TMTC1: variants seen among roughly 807,000 people sequenced by gnomAD.
TMTC1 encodes the protein protein O-mannosyl-transferase TMTC1.
A neutral mutation model predicts 104.8 loss-of-function variants in TMTC1; 73 were observed. The observed-to-expected ratio is 0.70, with a 90% CI of 0.58 to 0.85. The LOEUF (loss-of-function observed/expected upper bound fraction) is 0.85. TMTC1 is among the 40% of genes least tolerant of loss of function. The pLI, the probability that TMTC1 is intolerant of heterozygous loss-of-function variation, is 0.00. For missense variants in TMTC1, 1,035 were observed against 1,096.1 expected, an observed-to-expected ratio of 0.94 and a Z score of 0.79; for synonymous variants, 434 against 428.7, an observed-to-expected ratio of 1.01 and a Z score of -0.15.
At chr12:29,758,882 A>T (rs1215831438) in intron 2 of TMTC1, 105 bp from the exon 3 acceptor site, 7 of 963,976 alleles carry the variant, frequency 7.3e-6, no homozygotes, top group African/African-American at 1.7e-5. Context: ...TAAATGGAAG[A>T]TATAATAAAA....
chr12:29,712,069 A>G (rs10771572), intron 5 of TMTC1, among the ~76,000 whole-genome samples: 148,876 of 149,050 alleles, frequency 1, 74,351 homozygotes, highest in Middle Eastern at 1. Context: ...ATCTTTGGGA[A>G]GCTCTTCATC....
intron 17 of TMTC1, among the ~76,000 whole-genome samples, chr12:29,507,505 T>C (rs913904458): frequency 6.6e-6 from 1 of 152,216 alleles, no homozygotes; most frequent in African/African-American, 2.4e-5. Flanking sequence ...CCTAATAAAG[T>C]TTTTTGCAAT....
intron 2 of TMTC1, among the ~76,000 whole-genome samples, chr12:29,759,050 C>T (rs765485537): frequency 5.3e-5 from 8 of 152,132 alleles, no homozygotes; most frequent in Non-Finnish European, 7.3e-5. Flanking sequence ...CAATTCACGG[C>T]ATCAAAATTT....
At position 29,513,733 on chromosome 12, in the gene TMTC1, A is replaced by C. The variant is rs1208771382; in HGVS notation, c.2430+749T>G. Among the ~76,000 whole-genome samples, 113 of 152,340 alleles carry C rather than the reference A, an allele frequency of 7.4e-4. 2 individuals are homozygous for C. The highest frequency in any genetic ancestry group is 8.8e-5 in the Non-Finnish European group (6 of 68,034). On this transcript the variant is annotated intron_variant, in intron 16 of 17. Transcript: ENST00000539277. ...TCTTCTTGAGTTCAACCTGTGAATA[A>C]GTTTTATTCCAAAACCATAGATACT...
intron 6 of TMTC1, among the ~76,000 whole-genome samples, chr12:29,620,787 G>A (rs1937633293): frequency 6.6e-6 from 1 of 152,210 alleles, no homozygotes; most frequent in South Asian, 2.1e-4. Context: ...CCACATAGCA[G>A]AACATTATCA....
At chr12:29,507,645 C>T (rs1943729281) in intron 17 of TMTC1, among the ~76,000 whole-genome samples, 2 of 152,184 alleles carry the variant, frequency 1.3e-5, no homozygotes, top group Non-Finnish European at 2.9e-5. Flanking sequence ...CTGTCCCCAC[C>T]CTCTGTTGGC....
intron 6 of TMTC1, among the ~76,000 whole-genome samples, chr12:29,611,725 G>T (rs1385145499): frequency 6.6e-6 from 1 of 152,142 alleles, no homozygotes; most frequent in Non-Finnish European, 1.5e-5. Flanking sequence ...AAAGAGATGG[G>T]GGAGAGCTGT....
At chr12:29,607,597 GCA>G (rs965554735) in intron 6 of TMTC1, among the ~76,000 whole-genome samples, 1 of 152,176 alleles carries the variant, frequency 6.6e-6, no homozygotes, top group African/African-American at 2.4e-5. Flanking sequence ...TGAGCGTTTT[GCA>G]CACTTTGCTA....
chr12:29,706,773 T>C (rs1356476247), intron 5 of TMTC1, among the ~76,000 whole-genome samples: 1 of 152,192 alleles, frequency 6.6e-6, no homozygotes, highest in Admixed American at 6.5e-5. Context: ...TGGGTATTTT[T>C]TGATATGCTT....
intron 6 of TMTC1, among the ~76,000 whole-genome samples, chr12:29,613,545 A>C (rs1179925221): frequency 6.6e-6 from 1 of 152,220 alleles, no homozygotes; most frequent in Non-Finnish European, 1.5e-5. Context: ...CTCTAACTTA[A>C]TAAGGGGACC....
chr12:29,779,916 C>T (rs1943795385), intron 1 of TMTC1, among the ~76,000 whole-genome samples: 1 of 152,226 alleles, frequency 6.6e-6, no homozygotes. Flanking sequence ...TCAATAGCTT[C>T]ACCCATTAGG....
intron 7 of TMTC1, 90 bp downstream of exon 7, chr12:29,604,088 G>A (rs1028628821): frequency 1.4e-5 from 22 of 1,542,532 alleles, no homozygotes; most frequent in Admixed American, 3.5e-5. Context: ...AGGATCTAAT[G>A]GTCTACACAC....
In TMTC1 at chr12:29,783,720, C is replaced by T; in HGVS notation, c.32G>A (p.Gly11Asp). Reference sequence around the variant, plus strand: ...CCGCCGGGAGGGTGTGCGGTCCCCGCCGCCGCCTCGGGCAGAGGTGGTCAC... The same window carrying T: ...CCGCCGGGAGGGTGTGCGGTCCCCGTCGCCGCCTCGGGCAGAGGTGGTCAC... MVVTTSARGG[G>D]GDRTPSRRRG... Residue 11 changes from glycine to aspartate, a missense_variant, in exon 1 of 18, where the codon GGC (glycine) becomes GAC (aspartate). Transcript: ENST00000539277. The surrounding 1 kb of genome is among the most constrained non-coding windows in gnomAD (Gnocchi z 4.7). The T allele has an allele frequency of 8.2e-7, 1 of 1,214,282 alleles. No homozygotes were observed. The highest frequency in any genetic ancestry group is 1.0e-6 in the Non-Finnish European group (1 of 981,116). The allele number at this position is 1,214,282 out of a possible 1,614,324, so 75.2% of individuals were successfully genotyped here. A position where few individuals can be genotyped will look rare whatever the true frequency, so the allele number is the denominator to read the frequency against.
chr12:29,671,588 G>T (rs1325413354), intron 5 of TMTC1, among the ~76,000 whole-genome samples: 1 of 152,170 alleles, frequency 6.6e-6, no homozygotes, highest in Non-Finnish European at 1.5e-5. Context: ...TACAAAGCAG[G>T]TGCTATTGCT....
chr12:29,621,511 A>T (rs1371569473), intron 6 of TMTC1, among the ~76,000 whole-genome samples: 1 of 152,122 alleles, frequency 6.6e-6, no homozygotes, highest in Non-Finnish European at 1.5e-5. Flanking sequence ...TCTTTTTTTA[A>T]AAAAAGTTTG....
intron 7 of TMTC1, among the ~76,000 whole-genome samples, chr12:29,586,978 T>C (rs12099789): frequency 0.042 from 6,384 of 152,180 alleles, 436 homozygotes; most frequent in African/African-American, 0.14. Flanking sequence ...TTCCCTCTTT[T>C]TCTATTGATT....
intron 5 of TMTC1, among the ~76,000 whole-genome samples, chr12:29,726,597 A>G (rs1018676780): frequency 4.6e-5 from 7 of 152,160 alleles, no homozygotes; most frequent in Admixed American, 4.6e-4. Flanking sequence ...GACTCTCTTC[A>G]GTTGTTTGGG....
intron 5 of TMTC1, among the ~76,000 whole-genome samples, chr12:29,657,048 T>C (rs1939791744): frequency 6.6e-6 from 1 of 152,222 alleles, no homozygotes; most frequent in Admixed American, 6.5e-5. Context: ...TTGACAGCAG[T>C]ATGTTCTTGT....
At chr12:29,766,439 T>G (rs960904015) in intron 2 of TMTC1, among the ~76,000 whole-genome samples, 1 of 152,198 alleles carries the variant, frequency 6.6e-6, no homozygotes, top group South Asian at 2.1e-4. Flanking sequence ...ACCTTACTTC[T>G]AAGGCCATGT....
Sources: gnomAD v4.1 joint callset for allele counts (sites outside exome capture counted in the v4.1 genomes callset) on GRCh38, gnomAD v4.1.1 for gene constraint, Gnocchi (gnomAD v3.1) non-coding constraint, MANE v1.5 for transcripts, NCBI Gene and HGNC (gene_info 2026-07-23, HGNC 2026-07-21) for gene names.